Variants in BSND observed in about 807,000 individuals in gnomAD.
BSND encodes the protein barttin.
Under a neutral mutation model 18.8 loss-of-function variants are expected in BSND, and 13 were observed. The observed-to-expected ratio is 0.69, with a 90% confidence interval of 0.45 to 1.10. BSND has a LOEUF of 1.10. Among genes scored for constraint, BSND ranks in the 50% least tolerant of loss-of-function variants. BSND has a pLI of 0.00. For missense variants in BSND, 379 were observed against 416.7 expected, an observed-to-expected ratio of 0.91 and a Z score of 0.79; for synonymous variants, 170 against 161.8, an observed-to-expected ratio of 1.05 and a Z score of -0.39.
In BSND at chr1:55,008,724, AT is replaced by A; in HGVS notation, c.*97del. The A allele has an allele frequency of 6.4e-7, 1 of 1,562,094 alleles. No individual in the cohort carries two copies. The highest frequency in any genetic ancestry group is 8.8e-7 in the Non-Finnish European group (1 of 1,136,828). ...TTCCCTATCTGCAAAATGGGATGATATGGAGGTTCAATGAGATGGTGGCATT... is the reference window on the plus strand; with the variant it reads ...TTCCCTATCTGCAAAATGGGATGATAGGAGGTTCAATGAGATGGTGGCATT... On this transcript the variant is annotated 3_prime_UTR_variant, in exon 4 of 4. Coordinates refer to ENST00000651561, the MANE Select transcript of BSND (RefSeq NM_057176.3).
Position 55,012,185 on chromosome 1 carries a change from A to G in BSND, c.*3557A>G, listed in dbSNP as rs1236134351. Among the ~76,000 whole-genome samples the G allele has an allele frequency of 2.0e-5, 3 of 152,182 alleles. No homozygotes were observed. The highest frequency in any genetic ancestry group is 4.8e-5 in the African/African-American group (2 of 41,460). On this transcript the variant is annotated 3_prime_UTR_variant, in exon 4 of 4. Coordinates refer to ENST00000651561, the MANE Select transcript of BSND (RefSeq NM_057176.3). Reference sequence around the variant, plus strand: ...GACCGCTCGCCATGACCTTGGGTACATCACAGCCCTCCCTGGGCTCCTCTA... The same window carrying G: ...GACCGCTCGCCATGACCTTGGGTACGTCACAGCCCTCCCTGGGCTCCTCTA...
rs1357099292 is a variant in BSND at position 55,011,270 on chromosome 1, G to A, written c.*2642G>A. The A allele has an allele frequency of 6.6e-6, 1 of 152,130 alleles. No individual in the cohort carries two copies. Among genetic ancestry groups the A allele is most frequent in the Non-Finnish European group, 1.5e-5 (1 of 68,072 alleles). The allele number at this position is 152,130 out of a possible 1,614,324, so 9.4% of individuals were successfully genotyped here. On this transcript the variant is annotated 3_prime_UTR_variant, in exon 4 of 4. Transcript: ENST00000651561. ...ACCACACACCTGATCTGCCCAGGAA[G>A]GTCCCGGTTGACACCGACTGCCTCT...
In BSND at chr1:55,012,583, G is replaced by A. The variant is rs893918320; in HGVS notation, c.*3955G>A. On this transcript the variant is annotated 3_prime_UTR_variant, in exon 4 of 4. Transcript: ENST00000651561. ...TCAGGCACATTTAGGTGCTTAGACA[G>A]TGGTGGTCTTCTTCCCTCTCTGGGT... is the stretch of plus-strand genomic sequence containing the variant. 6.6e-5 allele frequency among the ~76,000 whole-genome samples: 10 copies of A among 152,214 alleles called. No homozygotes were observed. Among genetic ancestry groups the A allele is most frequent in the Admixed American group, 5.2e-4 (8 of 15,292 alleles).
At chr1:55,002,932 G>A (rs1164794777) in intron 1 of BSND, among the ~76,000 whole-genome samples, 1 of 147,522 alleles carries the variant, frequency 6.8e-6, no homozygotes, top group African/African-American at 2.5e-5. Flanking sequence ...GTGATGATGA[G>A]GATGGTGATG....
chr1:55,007,789 A>G (rs904782614), intron 3 of BSND, among the ~76,000 whole-genome samples: 6 of 152,024 alleles, frequency 3.9e-5, no homozygotes, highest in Admixed American at 3.9e-4. Context: ...TATTCATTCC[A>G]TCCACATTAC....
At chr1:55,001,890 G>A (rs1251785141) in intron 1 of BSND, among the ~76,000 whole-genome samples, 2 of 152,206 alleles carry the variant, frequency 1.3e-5, no homozygotes, top group African/African-American at 4.8e-5. Flanking sequence ...TTGTGGCTAC[G>A]AGAGGCAGAG....
chr1:54,999,665 C>G (rs1008574680), intron 1 of BSND, among the ~76,000 whole-genome samples: 1 of 152,170 alleles, frequency 6.6e-6, no homozygotes, highest in African/African-American at 2.4e-5. Context: ...GAAACAAAAG[C>G]TAATGAGCGC....
intron 3 of BSND, 36 bp from the exon 4 acceptor site, chr1:55,008,178 G>GAGAT: frequency 5.7e-6 from 9 of 1,591,288 alleles, no homozygotes; most frequent in Non-Finnish European, 7.8e-6. Flanking sequence ...TTCTGACTCA[G>GAGAT]AGATACCCTT....
At position 55,010,451 on chromosome 1, in the gene BSND, A is replaced by G. The variant is rs904777241; in HGVS notation, c.*1823A>G. On this transcript the variant is annotated 3_prime_UTR_variant, in exon 4 of 4. Coordinates refer to ENST00000651561, the MANE Select transcript of BSND (RefSeq NM_057176.3). ...CTGCAGAGAAAATGGCAGTAACACT[A>G]CCTCAAACCAGGACCACGCCCTCAG... The G allele has an allele frequency of 1.3e-5, 2 of 152,276 alleles. No homozygotes were observed. The highest frequency in any genetic ancestry group is 4.8e-5 in the African/African-American group (2 of 41,420). 9.4% of individuals were successfully genotyped at this position (152,276 alleles called of 1,614,324 possible).
intron 1 of BSND, among the ~76,000 whole-genome samples, 165 bp from the exon 2 acceptor site, chr1:55,004,857 C>T (rs1644381622): frequency 1.3e-5 from 2 of 152,186 alleles, no homozygotes; most frequent in African/African-American, 2.4e-5. Context: ...TCCATCCTCC[C>T]GCTGGTGCTG....
rs1644350021 is a variant in BSND, at chr1:54,999,373, A to G, written c.177+10A>G. The G allele has an allele frequency of 6.2e-7, 1 of 1,603,144 alleles. No homozygotes were observed. The highest frequency in any genetic ancestry group is 8.5e-7 in the Non-Finnish European group (1 of 1,172,140). On this transcript the variant is annotated intron_variant, in intron 1 of 3. Coordinates refer to ENST00000651561, the MANE Select transcript of BSND (RefSeq NM_057176.3). ...CCAGTGCTACCCCAAGGTAGGTGGTAGTGGGGCTGGGTGGGGCCAGGTCAG... is the reference window on the plus strand; with the variant it reads ...CCAGTGCTACCCCAAGGTAGGTGGTGGTGGGGCTGGGTGGGGCCAGGTCAG...
In BSND at chr1:54,999,376, G is replaced by A; in HGVS notation, c.177+13G>A. 2 of 1,600,016 alleles carry A rather than the reference G, an allele frequency of 1.2e-6. No individual in the cohort carries two copies. Among genetic ancestry groups the A allele is most frequent in the Non-Finnish European group, 1.7e-6 (2 of 1,170,452 alleles). On this transcript the variant is annotated intron_variant, in intron 1 of 3. Transcript: ENST00000651561. ...GTGCTACCCCAAGGTAGGTGGTAGT[G>A]GGGCTGGGTGGGGCCAGGTCAGCTG...
intron 1 of BSND, among the ~76,000 whole-genome samples, chr1:55,000,161 A>G (rs957206893): frequency 6.6e-6 from 1 of 152,098 alleles, no homozygotes. Flanking sequence ...AAGATATAGG[A>G]ATATTTTGTA....
In BSND at chr1:55,010,494, A is replaced by T. The variant is rs1376298421; in HGVS notation, c.*1866A>T. The T allele has an allele frequency of 6.6e-6, 1 of 152,292 alleles. No homozygotes were observed. Among genetic ancestry groups the T allele is most frequent in the African/African-American group, 2.4e-5 (1 of 41,460 alleles). The allele number at this position is 152,292 out of a possible 1,614,324, so 9.4% of individuals were successfully genotyped here. On this transcript the variant is annotated 3_prime_UTR_variant, in exon 4 of 4. Coordinates refer to ENST00000651561, the MANE Select transcript of BSND (RefSeq NM_057176.3). ...GCCCTCAGAGCCTGCACCCTGGGCC[A>T]CCTGGGAGTCAGAGACCTTCACCTG...
At chr1:55,005,626 G>A (rs9661809) in intron 2 of BSND, among the ~76,000 whole-genome samples, 1 of 152,058 alleles carries the variant, frequency 6.6e-6, no homozygotes, top group Non-Finnish European at 1.5e-5. Flanking sequence ...AGATAATATA[G>A]GCAGAGTGCT....
intron 1 of BSND, among the ~76,000 whole-genome samples, chr1:55,004,155 G>A (rs1644377255): frequency 6.6e-6 from 1 of 152,230 alleles, no homozygotes; most frequent in South Asian, 2.1e-4. Context: ...GTTGTAGCAT[G>A]TGTCAGAAGT....
Position 55,008,557 on chromosome 1 carries a change from G to C in BSND, c.892G>C (p.Gly298Arg). 1 of 1,614,186 alleles carries C rather than the reference G, an allele frequency of 6.2e-7. No individual in the cohort carries two copies. ...GAAGGAAGAGGAAGACCTGTACTAT[G>C]GGCTGCCAGATGGAGCCGGGGACCT... ...PEKEEEDLYY[G>R]LPDGAGDLLP... The change falls in exon 4 of 4, where the codon GGG becomes CGG. Residue 298 changes from glycine (G) to arginine (R), a missense_variant. Physicochemically the swap from Gly to Arg is moderately radical, Grantham distance 125 (BLOSUM62 -2). Transcript: ENST00000651561.
chr1:55,003,619 G>C (rs771340772), intron 1 of BSND, among the ~76,000 whole-genome samples: 2 of 152,144 alleles, frequency 1.3e-5, no homozygotes, highest in Non-Finnish European at 2.9e-5. Flanking sequence ...TGCTATTTAT[G>C]AATCTGGTAT....
In BSND at chr1:55,000,924, T is replaced by C. The variant is rs577014861; in HGVS notation, c.177+1561T>C. Among the ~76,000 whole-genome samples the C allele has an allele frequency of 4.8e-4, 73 of 152,180 alleles. 1 individual carries two copies. The Middle Eastern group carries it at 0.01, about 21-fold the overall frequency. On this transcript the variant is annotated intron_variant, in intron 1 of 3. Coordinates refer to ENST00000651561, the MANE Select transcript of BSND (RefSeq NM_057176.3). ...GCCCCCGCTCTTAAATAGAGCTGGC[T>C]CTGGGATGGTTGGTAGGCTGATGGG...
Sources: gnomAD v4.1 joint callset for allele counts (sites outside exome capture counted in the v4.1 genomes callset) on GRCh38, gnomAD v4.1.1 for gene constraint, MANE v1.5 for transcripts, NCBI Gene and HGNC (gene_info 2026-07-23, HGNC 2026-07-21) for gene names.